Variants in TENM3 observed in about 807,000 individuals in gnomAD.
TENM3 encodes teneurin transmembrane protein 3.
Under a neutral mutation model 255.1 loss-of-function variants are expected in TENM3, and 63 were observed. The ratio of observed to expected loss-of-function variants is 0.25; its 90% CI spans 0.20 to 0.30. TENM3 has a LOEUF of 0.30. Ranked by LOEUF, TENM3 falls within the 10% of genes least tolerant of loss-of-function variation. The pLI is 1.00. For synonymous variants in TENM3, 1,306 were observed against 1,322.3 expected (o/e 0.99, Z 0.27); for missense variants, 2,929 against 3,461.1 (o/e 0.85, Z 3.86).
chr4:182,500,262 A>G (rs571016291), intron 3 of TENM3, among the ~76,000 whole-genome samples: 11 of 152,206 alleles, frequency 7.2e-5, no homozygotes, highest in Non-Finnish European at 1.3e-4. Context: ...AGAGACAAGT[A>G]AATGAGTTCA....
intron 3 of TENM3, among the ~76,000 whole-genome samples, chr4:182,409,437 A>G (rs1011104857): frequency 4.6e-5 from 7 of 152,208 alleles, no homozygotes; most frequent in Admixed American, 3.9e-4. Flanking sequence ...GTCTCATTTT[A>G]ACTGTAATAG....
At position 182,673,113 on chromosome 4, in the gene TENM3, A is replaced by G. The variant is rs1490381412; in HGVS notation, c.1220A>G (p.Gln407Arg). 2 of 1,613,376 alleles carry G rather than the reference A, an allele frequency of 1.2e-6. No individual in the cohort carries two copies. The highest frequency in any genetic ancestry group is 4.5e-5 in the East Asian group (2 of 44,862). Residue 407 changes from glutamine (Q) to arginine (R), a missense_variant, in exon 7 of 28, where the codon CAG becomes CGG. Physicochemically the swap from Gln to Arg is conservative, Grantham distance 43 (BLOSUM62 1). Transcript: ENST00000511685. ...EIPPGIFWRS[Q>R]LFIDQPQFLK... ...CCTCCCGGGATCTTCTGGAGATCAC[A>G]GCTCTTCATTGATCAGCCACAGTTT...
chr4:181,652,202 T>C, the TENM3 span, among the ~76,000 whole-genome samples: 1 of 151,312 alleles, frequency 6.6e-6, no homozygotes, highest in Non-Finnish European at 1.5e-5. Context: ...TGGGACATGG[T>C]TGAAGGCAGC....
the TENM3 span, among the ~76,000 whole-genome samples, chr4:182,047,738 G>T: frequency 6.6e-6 from 1 of 152,118 alleles, no homozygotes; most frequent in African/African-American, 2.4e-5. Flanking sequence ...TTGGGTTTCA[G>T]CATCGTATAA....
chr4:182,791,911 C>T (rs1766130828), intron 25 of TENM3, among the ~76,000 whole-genome samples: 1 of 152,066 alleles, frequency 6.6e-6, no homozygotes, highest in Non-Finnish European at 1.5e-5. Flanking sequence ...AACTGCATTC[C>T]CCATATGCTC....
chr4:182,266,149 T>C (rs1327904539), intron 1 of TENM3, among the ~76,000 whole-genome samples: 1 of 152,228 alleles, frequency 6.6e-6, no homozygotes, highest in Non-Finnish European at 1.5e-5. Context: ...ACCTAGTACG[T>C]AATTAAAATC....
the TENM3 span, among the ~76,000 whole-genome samples, chr4:181,852,716 C>T: frequency 2.6e-5 from 4 of 152,302 alleles, no homozygotes; most frequent in East Asian, 3.9e-4. Flanking sequence ...TTCAGCGCTT[C>T]GTATACACCA....
the TENM3 span, among the ~76,000 whole-genome samples, chr4:181,471,629 C>T: frequency 6.6e-6 from 1 of 152,172 alleles, no homozygotes; most frequent in African/African-American, 2.4e-5. Flanking sequence ...CACCCGACTT[C>T]AGGCATTTAT....
At chr4:181,943,740 C>T in the TENM3 span, among the ~76,000 whole-genome samples, 2 of 152,088 alleles carry the variant, frequency 1.3e-5, no homozygotes, top group Admixed American at 6.6e-5. Context: ...TATGCAAAGG[C>T]TTTTGCATAT....
chr4:182,596,257 C>G (rs1237069876), intron 3 of TENM3, among the ~76,000 whole-genome samples: 1 of 152,168 alleles, frequency 6.6e-6, no homozygotes, highest in Non-Finnish European at 1.5e-5. Flanking sequence ...TTACTACTTC[C>G]ACACTCTCTC....
At chr4:182,022,197 A>G in the TENM3 span, among the ~76,000 whole-genome samples, 1 of 152,110 alleles carries the variant, frequency 6.6e-6, no homozygotes, top group Non-Finnish European at 1.5e-5. Flanking sequence ...TGGTACATAT[A>G]CACCATGGAA....
chr4:181,862,319 C>T, the TENM3 span, among the ~76,000 whole-genome samples: 15 of 152,134 alleles, frequency 9.9e-5, no homozygotes, highest in South Asian at 3.1e-3. Flanking sequence ...AAACTAAAAC[C>T]ATTTTCCCAT....
the TENM3 span, among the ~76,000 whole-genome samples, chr4:182,023,607 TG>T: frequency 6.6e-6 from 1 of 152,230 alleles, no homozygotes; most frequent in East Asian, 1.9e-4. Context: ...CACTGATCAC[TG>T]GCCCCCTGTG....
chr4:182,365,269 G>A (rs1177231577), intron 3 of TENM3, among the ~76,000 whole-genome samples: 2 of 152,192 alleles, frequency 1.3e-5, no homozygotes, highest in Admixed American at 6.5e-5. Flanking sequence ...GTCACTCAGG[G>A]TATAAGGAAA....
At chr4:182,307,062 C>CA (rs2150396797) in intron 1 of TENM3, among the ~76,000 whole-genome samples, 1 of 152,294 alleles carries the variant, frequency 6.6e-6, no homozygotes, top group African/African-American at 2.4e-5. Context: ...TGGCTATTTT[C>CA]CAAAAATAAT....
intron 3 of TENM3, among the ~76,000 whole-genome samples, chr4:182,452,515 A>G (rs201565872): frequency 1.3e-5 from 2 of 152,200 alleles, no homozygotes; most frequent in East Asian, 3.9e-4. Flanking sequence ...GATAAGGGCT[A>G]TTAGAGGAGT....
the TENM3 span, among the ~76,000 whole-genome samples, chr4:181,657,590 C>T: frequency 6.6e-6 from 1 of 152,112 alleles, no homozygotes; most frequent in South Asian, 2.1e-4. Context: ...GGAGGTTTCT[C>T]AAAGAACTTA....
chr4:182,385,666 G>A (rs1384223063), intron 3 of TENM3, among the ~76,000 whole-genome samples: 2 of 152,114 alleles, frequency 1.3e-5, no homozygotes, highest in Non-Finnish European at 2.9e-5. Flanking sequence ...TTAAATGAAT[G>A]AAAGTAAACT....
At chr4:181,948,011 A>G in the TENM3 span, among the ~76,000 whole-genome samples, 1 of 152,202 alleles carries the variant, frequency 6.6e-6, no homozygotes, top group African/African-American at 2.4e-5. Flanking sequence ...GGAAAAAAAA[A>G]TAAATTCATA....
Sources: allele counts gnomAD v4.1 joint callset (sites outside exome capture counted in the v4.1 genomes callset), GRCh38; gene constraint gnomAD v4.1.1; transcripts MANE v1.5; gene names NCBI Gene and HGNC (gene_info 2026-07-23, HGNC 2026-07-21).